Variants in GNPTAB observed in about 807,000 individuals in gnomAD.
GNPTAB encodes the protein N-acetylglucosamine-1-phosphate transferase subunits alpha and beta, also known as N-acetylglucosamine-1-phosphotransferase subunits alpha/beta.
In GNPTAB, 92 loss-of-function variants were observed where a neutral mutation model predicts 136.6. The ratio of observed to expected loss-of-function variants is 0.67; its 90% CI spans 0.57 to 0.80. GNPTAB has a LOEUF of 0.80. Ranked by LOEUF, GNPTAB falls within the 30% of genes least tolerant of loss-of-function variation. The probability of loss-of-function intolerance (pLI) is 0.00; values close to 1 mark genes in which losing one functional copy is unlikely to be tolerated. For synonymous variants in GNPTAB, 512 were observed against 535.1 expected (o/e 0.96, Z 0.60); for missense variants, 1,343 against 1,501.8 (o/e 0.89, Z 1.75).
At position 101,793,999 on chromosome 12, in the gene GNPTAB, G is replaced by A. The variant is rs572797050; in HGVS notation, c.203+2678C>T. On this transcript the variant is annotated intron_variant, in intron 2 of 20. Coordinates refer to ENST00000299314, the MANE Select transcript of GNPTAB (RefSeq NM_024312.5). ...GCTGGGATTATAGGCAACCACCACC[G>A]CCCTGGCTAATTTTTGTATTTTTGG... Among the ~76,000 whole-genome samples, 25 of 152,090 alleles carry A rather than the reference G, an allele frequency of 1.6e-4. No homozygotes were observed. The South Asian group carries it at 3.7e-3, about 23-fold the overall frequency.
intron 19 of GNPTAB, 82 bp from the exon 20 acceptor site, chr12:101,749,273 C>A: frequency 1.2e-6 from 1 of 826,564 alleles, no homozygotes. Context: ...TATACTAGTT[C>A]TATAAAAACA....
rs773343494 is a variant in GNPTAB, at chr12:101,761,717, T to C, written c.2762A>G (p.Lys921Arg). The C allele has an allele frequency of 3.1e-6, 5 of 1,614,058 alleles. No individual in the cohort carries two copies. Among genetic ancestry groups the C allele is most frequent in the Non-Finnish European group, 3.4e-6 (4 of 1,179,904 alleles). The change falls in exon 14 of 21, where the codon AAA (lysine) becomes AGA (arginine). Residue 921 changes from lysine to arginine, a missense_variant. Physicochemically the swap from Lys to Arg is conservative, Grantham distance 26. Transcript: ENST00000299314. ...KTQLAYFTDS[K>R]NTGRQLKDTF... The stretch of plus-strand genomic sequence containing the variant: ...ATCTTTTAGTTGCCTCCCAGTATTT[T>C]TGCTATCAGTGAAGTATGCCAATTG...
intron 1 of GNPTAB, among the ~76,000 whole-genome samples, chr12:101,821,143 A>G (rs1157263435): frequency 2.6e-5 from 4 of 151,968 alleles, no homozygotes; most frequent in Non-Finnish European, 5.9e-5. Context: ...CTCTTCCACA[A>G]CGATGCTCTA....
chr12:101,792,547 C>T (rs1869052000), intron 2 of GNPTAB, among the ~76,000 whole-genome samples: 1 of 152,208 alleles, frequency 6.6e-6, no homozygotes, highest in Non-Finnish European at 1.5e-5. Flanking sequence ...AACGAACTTG[C>T]AGGACTTTGT....
At chr12:101,786,603 T>C (rs1868665040) in intron 4 of GNPTAB, among the ~76,000 whole-genome samples, 1 of 152,200 alleles carries the variant, frequency 6.6e-6, no homozygotes, top group African/African-American at 2.4e-5. Context: ...TGTTACCAGA[T>C]ACAAGTTACC....
intron 1 of GNPTAB, among the ~76,000 whole-genome samples, chr12:101,800,314 G>A (rs544417155): frequency 6.6e-6 from 1 of 151,624 alleles, no homozygotes; most frequent in South Asian, 2.1e-4. Context: ...GTGAGACCTC[G>A]TCTCTATTTT....
At chr12:101,768,485 T>A (rs1339382178) in intron 10 of GNPTAB, among the ~76,000 whole-genome samples, 1 of 152,238 alleles carries the variant, frequency 6.6e-6, no homozygotes, top group Non-Finnish European at 1.5e-5. Flanking sequence ...CATGCCAGAC[T>A]TGACTGCAAG....
chr12:101,765,328 A>ATT, intron 12 of GNPTAB, 24 bp from the exon 13 acceptor site: 8 of 1,443,352 alleles, frequency 5.5e-6, no homozygotes, highest in Non-Finnish European at 7.7e-6. Flanking sequence ...CAGAAACATG[A>ATT]TTTTTTTTTT....
intron 5 of GNPTAB, chr12:101,785,477 A>C (rs1868590268): frequency 6.5e-6 from 1 of 154,064 alleles, no homozygotes; most frequent in Admixed American, 6.5e-5. Flanking sequence ...TTAGTCTCCC[A>C]AAATTGCTAG....
chr12:101,749,426 T>C (rs750748284), intron 19 of GNPTAB, among the ~76,000 whole-genome samples: 19 of 152,234 alleles, frequency 1.2e-4, no homozygotes, highest in Admixed American at 8.5e-4. Context: ...GAGAGAGGAC[T>C]TCAAAAGAAA....
At chr12:101,792,239 A>G (rs1306013194) in intron 2 of GNPTAB, among the ~76,000 whole-genome samples, 1 of 152,230 alleles carries the variant, frequency 6.6e-6, no homozygotes, top group Non-Finnish European at 1.5e-5. Context: ...CCAAAGGCAA[A>G]TGCCCTGAGG....
intron 1 of GNPTAB, among the ~76,000 whole-genome samples, chr12:101,809,022 T>A (rs761316045): frequency 8.5e-5 from 13 of 152,274 alleles, no homozygotes; most frequent in Admixed American, 2.0e-4. Context: ...AGAAAAAATA[T>A]TTGTAAGACA....
At chr12:101,791,319 A>C (rs1868974914) in intron 2 of GNPTAB, among the ~76,000 whole-genome samples, 1 of 152,172 alleles carries the variant, frequency 6.6e-6, no homozygotes, top group South Asian at 2.1e-4. Flanking sequence ...CTTATGACAC[A>C]GGAGTTCATG....
At chr12:101,770,956 C>G in intron 8 of GNPTAB, 40 bp downstream of exon 8, 5 of 1,585,086 alleles carry the variant, frequency 3.2e-6, no homozygotes, top group South Asian at 2.2e-5. Context: ...AACATCTTAA[C>G]CTTTGATTTG....
At chr12:101,758,574 TTTATTA>T (rs1217564868) in intron 16 of GNPTAB, among the ~76,000 whole-genome samples, 3 of 152,374 alleles carry the variant, frequency 2.0e-5, no homozygotes, top group South Asian at 4.1e-4. Context: ...TTATCTCAAC[TTTATTA>T]ATTTGGTAAT....
rs111886339 is a variant in GNPTAB, at chr12:101,753,627, A to G, written c.3435-88T>C. On this transcript the variant is annotated intron_variant, in intron 18 of 20. Transcript: ENST00000299314. Reference sequence around the variant, plus strand: ...GGATGTGGATTCCAAATATATTTTAAATGGACTTATGTCCCAAGTTGGTAT... The same window carrying G: ...GGATGTGGATTCCAAATATATTTTAGATGGACTTATGTCCCAAGTTGGTAT... 96 of 1,071,260 alleles carry G rather than the reference A, an allele frequency of 9.0e-5. No individual in the cohort carries two copies. The African/African-American group carries it at 1.4e-3, about 15-fold the overall frequency. 66.4% of individuals were successfully genotyped at this position (1,071,260 alleles called of 1,614,324 possible). A position where few individuals can be genotyped will look rare whatever the true frequency, so the allele number is the denominator to read the frequency against.
chr12:101,777,787 G>A (rs796871411), intron 7 of GNPTAB, among the ~76,000 whole-genome samples: 3 of 152,262 alleles, frequency 2.0e-5, no homozygotes, highest in Non-Finnish European at 2.9e-5. Flanking sequence ...CAAGTCACTC[G>A]AGGCCTGGAC....
intron 1 of GNPTAB, among the ~76,000 whole-genome samples, chr12:101,828,924 G>A (rs1871239485): frequency 6.6e-6 from 1 of 152,200 alleles, no homozygotes; most frequent in Non-Finnish European, 1.5e-5. Flanking sequence ...ATAAGTATTA[G>A]CTATTATTAT....
chr12:101,799,082 T>G (rs1484195539), intron 1 of GNPTAB, among the ~76,000 whole-genome samples: 1 of 152,152 alleles, frequency 6.6e-6, no homozygotes, highest in African/African-American at 2.4e-5. Flanking sequence ...ATTATGAAGC[T>G]GTCACTCCCA....
Sources: gnomAD v4.1 joint callset for allele counts (sites outside exome capture counted in the v4.1 genomes callset) on GRCh38, gnomAD v4.1.1 for gene constraint, MANE v1.5 for transcripts, NCBI Gene and HGNC (gene_info 2026-07-23, HGNC 2026-07-21) for gene names.